FUT8: variants seen among roughly 807,000 people sequenced by gnomAD.
FUT8 encodes alpha-(1,6)-fucosyltransferase.
In FUT8, 29 loss-of-function variants were observed where a neutral mutation model predicts 71.3. That is an observed-to-expected ratio of 0.41 (90% CI 0.30 to 0.55). The LOEUF (loss-of-function observed/expected upper bound fraction) is 0.55. FUT8 is among the 20% of genes least tolerant of loss of function. The probability of loss-of-function intolerance (pLI) is 0.34; values close to 1 mark genes in which losing one functional copy is unlikely to be tolerated. For missense variants in FUT8, 544 were observed against 702.1 expected (o/e 0.77, Z 2.55); for synonymous variants, 254 against 239.3 (o/e 1.06, Z -0.57).
chr14:65,543,855 T>A (rs934718619), intron 2 of FUT8, among the ~76,000 whole-genome samples: 2 of 152,060 alleles, frequency 1.3e-5, no homozygotes, highest in Admixed American at 6.5e-5. Flanking sequence ...ATGGCTGGAA[T>A]TGAGGCAGCT....
chr14:65,359,075 TC>T, the FUT8 span, among the ~76,000 whole-genome samples: 2 of 152,226 alleles, frequency 1.3e-5, no homozygotes, highest in East Asian at 3.8e-4. Flanking sequence ...CTGTTTTTTT[TC>T]CTATTAAGAA....
chr14:65,370,141 A>G, the FUT8 span, among the ~76,000 whole-genome samples: 3 of 151,386 alleles, frequency 2.0e-5, no homozygotes, highest in Non-Finnish European at 4.4e-5. Flanking sequence ...AAAAAAAAAA[A>G]GTTTTATAGG....
chr14:65,642,456 A>G (rs952482239), intron 6 of FUT8, among the ~76,000 whole-genome samples: 4 of 152,080 alleles, frequency 2.6e-5, no homozygotes, highest in African/African-American at 9.7e-5. Context: ...TACAAAAATT[A>G]GCCAGGCGTG....
the FUT8 span, among the ~76,000 whole-genome samples, chr14:65,394,167 C>T: frequency 6.6e-6 from 1 of 152,174 alleles, no homozygotes; most frequent in African/African-American, 2.4e-5. Context: ...CTATGTTGGT[C>T]AGGCTAGTAT....
chr14:65,598,297 A>G (rs890996682), intron 3 of FUT8, among the ~76,000 whole-genome samples: 1 of 151,868 alleles, frequency 6.6e-6, no homozygotes, highest in African/African-American at 2.4e-5. Context: ...ATCTCAGCTC[A>G]CTGCAACCTC....
At chr14:65,461,440 T>C (rs1439308984) in intron 2 of FUT8, among the ~76,000 whole-genome samples, 1 of 152,220 alleles carries the variant, frequency 6.6e-6, no homozygotes, top group African/African-American at 2.4e-5. Context: ...AGGGGACATG[T>C]AGTTTCAGTC....
intron 3 of FUT8, among the ~76,000 whole-genome samples, chr14:65,570,681 A>G (rs543868925): frequency 1.3e-5 from 2 of 151,948 alleles, no homozygotes; most frequent in East Asian, 1.9e-4. Context: ...TTAACCTTCT[A>G]TTGTATACCT....
chr14:65,374,529 A>G, the FUT8 span, among the ~76,000 whole-genome samples: 4 of 152,112 alleles, frequency 2.6e-5, no homozygotes, highest in East Asian at 3.9e-4. Flanking sequence ...TGGTTCCTCA[A>G]GTTCCCCAAA....
rs10138881 is a variant in FUT8, at chr14:65,642,084, G to A, written c.597+12478G>A. ...TTTTAAATTTATGCTTTTGTATTTC[G>A]TATTTATGAAATTTTTGTGAAGCCT... On this transcript the variant is annotated intron_variant, in intron 6 of 10. Transcript: ENST00000673929. Among the ~76,000 whole-genome samples the A allele has an allele frequency of 9.8e-3, 1,492 of 152,008 alleles. 24 individuals carry two copies. The highest frequency in any genetic ancestry group is 0.034 in the African/African-American group (1,426 of 41,464).
intron 7 of FUT8, among the ~76,000 whole-genome samples, chr14:65,713,581 G>C (rs1313571358): frequency 6.6e-6 from 1 of 152,078 alleles, no homozygotes; most frequent in African/African-American, 2.4e-5. Flanking sequence ...CCTGAATTTT[G>C]ACATTTTTTC....
intron 3 of FUT8, among the ~76,000 whole-genome samples, chr14:65,596,478 G>A (rs1369659015): frequency 1.3e-5 from 2 of 152,072 alleles, no homozygotes; most frequent in Non-Finnish European, 2.9e-5. Flanking sequence ...TGTTCTGTAG[G>A]AGGACTGTCT....
chr14:65,601,480 C>T (rs991196477), intron 3 of FUT8, among the ~76,000 whole-genome samples: 17 of 152,018 alleles, frequency 1.1e-4, no homozygotes, highest in South Asian at 2.1e-4. Flanking sequence ...AGAAGTGGTC[C>T]GAATTATGTT....
chr14:65,605,163 T>A (rs1888515165), intron 3 of FUT8, among the ~76,000 whole-genome samples: 1 of 151,976 alleles, frequency 6.6e-6, no homozygotes, highest in Non-Finnish European at 1.5e-5. Flanking sequence ...TGTGGACATG[T>A]GCTAAAATTT....
intron 2 of FUT8, among the ~76,000 whole-genome samples, chr14:65,469,507 C>T (rs1782581542): frequency 6.6e-6 from 1 of 152,192 alleles, no homozygotes; most frequent in Non-Finnish European, 1.5e-5. Flanking sequence ...TGGCCAGTGG[C>T]GCCTTTGCCC....
At chr14:65,366,362 A>C in the FUT8 span, among the ~76,000 whole-genome samples, 1 of 152,180 alleles carries the variant, frequency 6.6e-6, no homozygotes, top group East Asian at 1.9e-4. Context: ...TTGAGCTGAG[A>C]CTTAAATGGA....
intron 2 of FUT8, among the ~76,000 whole-genome samples, chr14:65,513,680 G>A (rs1212183386): frequency 3.3e-5 from 5 of 152,036 alleles, no homozygotes; most frequent in South Asian, 2.1e-4. Flanking sequence ...ACTTCTCTCC[G>A]TGTGTTAACA....
chr14:65,673,426 TA>T (rs1474885077), intron 7 of FUT8, among the ~76,000 whole-genome samples: 1 of 152,198 alleles, frequency 6.6e-6, no homozygotes, highest in Non-Finnish European at 1.5e-5. Flanking sequence ...AATAAGCAAT[TA>T]AAATATGTTG....
chr14:65,599,618 C>T (rs947467087), intron 3 of FUT8, among the ~76,000 whole-genome samples: 2 of 152,168 alleles, frequency 1.3e-5, no homozygotes, highest in African/African-American at 4.8e-5. Flanking sequence ...CTGGGCCAGA[C>T]ATCTAGAGAT....
intron 5 of FUT8, among the ~76,000 whole-genome samples, chr14:65,616,834 T>A (rs1874176919): frequency 6.6e-6 from 1 of 152,182 alleles, no homozygotes; most frequent in South Asian, 2.1e-4. Context: ...GGATTTTTTT[T>A]TTCTTTAAGT....
Sources: gnomAD v4.1 joint callset for allele counts (sites outside exome capture counted in the v4.1 genomes callset) on GRCh38, gnomAD v4.1.1 for gene constraint, MANE v1.5 for transcripts, NCBI Gene and HGNC (gene_info 2026-07-23, HGNC 2026-07-21) for gene names.